The following PPM1B variants were observed in gnomAD, a reference collection of about 807,000 sequenced individuals.
PPM1B encodes the protein protein phosphatase, Mg2+/Mn2+ dependent 1B.
Under a neutral mutation model 43.0 loss-of-function variants are expected in PPM1B, and 22 were observed. That is an observed-to-expected ratio of 0.51 (90% CI 0.37 to 0.73). PPM1B has a LOEUF of 0.73. Ranked by LOEUF, PPM1B falls within the 30% of genes least tolerant of loss-of-function variation. PPM1B has a pLI of 0.00. For missense variants in PPM1B, 632 were observed against 584.2 expected (o/e 1.08, Z -0.84); for synonymous variants, 217 against 197.9 (o/e 1.10, Z -0.81).
At chr2:44,233,884 G>A (rs1248463930), downstream of PPM1B, 8 of 985,456 alleles carry the variant, frequency 8.1e-6, no homozygotes, top group Non-Finnish European at 9.6e-6. Flanking sequence ...TCCCTTTACT[G>A]GGTTTGGGGG....
intron 5 of PPM1B, among the ~76,000 whole-genome samples, chr2:44,220,687 A>C (rs4953072): frequency 0.57 from 86,516 of 152,088 alleles, 25,361 homozygotes; most frequent in Admixed American, 0.68. Flanking sequence ...TAAATGATCA[A>C]AATATTTCGT....
chr2:44,193,535 A>G (rs1356735074), intron 1 of PPM1B, among the ~76,000 whole-genome samples: 4 of 149,580 alleles, frequency 2.7e-5, no homozygotes, highest in African/African-American at 9.8e-5. Context: ...CTAGGACTAC[A>G]TGTGCTTGCT....
At chr2:44,197,991 C>T (rs572458504) in intron 1 of PPM1B, among the ~76,000 whole-genome samples, 2 of 152,108 alleles carry the variant, frequency 1.3e-5, no homozygotes, top group East Asian at 1.9e-4. Context: ...CTGAAGCATC[C>T]CTAACACCAC....
At chr2:44,207,888 CT>C (rs569077342) in intron 2 of PPM1B, among the ~76,000 whole-genome samples, 43,499 of 97,240 alleles carry the variant, frequency 0.45, 7,606 homozygotes, top group Admixed American at 0.53. Context: ...TGGCTTTATG[CT>C]TTTTTTTTTT....
intron 1 of PPM1B, among the ~76,000 whole-genome samples, chr2:44,200,877 C>G (rs892809060): frequency 1.3e-5 from 2 of 152,256 alleles, no homozygotes; most frequent in African/African-American, 2.4e-5. Context: ...TTTCCTTTCT[C>G]CTAGAACAGT....
intron 1 of PPM1B, among the ~76,000 whole-genome samples, chr2:44,187,404 A>T (rs531900740): frequency 1.3e-5 from 2 of 152,192 alleles, no homozygotes; most frequent in Non-Finnish European, 2.9e-5. Flanking sequence ...TCTCTTTGAG[A>T]TCCCACTGTC....
chr2:44,227,503 C>T (rs1269502076), intron 5 of PPM1B, among the ~76,000 whole-genome samples: 2 of 151,210 alleles, frequency 1.3e-5, no homozygotes, highest in Admixed American at 6.6e-5. Context: ...AAGCATGGGC[C>T]ATACACAGTA....
intron 1 of PPM1B, among the ~76,000 whole-genome samples, chr2:44,199,995 C>T (rs1018727446): frequency 1.3e-5 from 2 of 151,968 alleles, no homozygotes; most frequent in African/African-American, 2.4e-5. Flanking sequence ...TGATCTAGAC[C>T]AGTGTCTCTC....
rs1670391926 is a variant in PPM1B, at chr2:44,229,875, T to G, written c.1135-538T>G. On this transcript the variant is annotated intron_variant, in intron 5 of 5. Transcript: ENST00000282412. ...CTTAATTTATTTTTATCTAGAGATG[T>G]TTTTATCAAAATAAGAGCAAAAAGT... The G allele has an allele frequency of 1.7e-5, 16 of 937,084 alleles. 1 individual carries two copies. The South Asian group carries it at 2.9e-4, about 17-fold the overall frequency. The allele number at this position is 937,084 out of a possible 1,614,324, so 58.0% of individuals were successfully genotyped here. A position where few individuals can be genotyped will look rare whatever the true frequency, so the allele number is the denominator to read the frequency against.
intron 1 of PPM1B, among the ~76,000 whole-genome samples, chr2:44,176,624 T>G (rs935643646): frequency 7.9e-5 from 12 of 152,376 alleles, no homozygotes; most frequent in African/African-American, 2.9e-4. Context: ...ATTGCTTTCC[T>G]ACTGAACCAG....
chr2:44,197,379 A>G (rs764638977), intron 1 of PPM1B, among the ~76,000 whole-genome samples: 10 of 152,170 alleles, frequency 6.6e-5, no homozygotes, highest in Non-Finnish European at 1.5e-4. Flanking sequence ...TTGGCCTCCC[A>G]AAGTGTTGAG....
At chr2:44,190,484 T>A (rs1265092547) in intron 1 of PPM1B, among the ~76,000 whole-genome samples, 1 of 152,206 alleles carries the variant, frequency 6.6e-6, no homozygotes, top group Non-Finnish European at 1.5e-5. Flanking sequence ...TGAGAAAATA[T>A]TGAAACTTAC....
intron 2 of PPM1B, among the ~76,000 whole-genome samples, chr2:44,206,770 C>T (rs562394801): frequency 8.6e-5 from 13 of 151,978 alleles, no homozygotes; most frequent in Non-Finnish European, 1.3e-4. Flanking sequence ...CTGTGTTGCC[C>T]GGGCTAGTCT....
intron 1 of PPM1B, among the ~76,000 whole-genome samples, chr2:44,190,374 G>T (rs547478069): frequency 1.3e-5 from 2 of 152,024 alleles, no homozygotes; most frequent in Admixed American, 6.6e-5. Flanking sequence ...GGCCAGGCTG[G>T]TCTCAAACTC....
chr2:44,197,504 A>G (rs1668721448), intron 1 of PPM1B, among the ~76,000 whole-genome samples: 1 of 152,212 alleles, frequency 6.6e-6, no homozygotes, highest in Admixed American at 6.5e-5. Context: ...ACTAAACTCT[A>G]GTCTTTGGAT....
chr2:44,183,524 C>G (rs1048956904), intron 1 of PPM1B, among the ~76,000 whole-genome samples: 2 of 152,172 alleles, frequency 1.3e-5, no homozygotes, highest in Non-Finnish European at 2.9e-5. Flanking sequence ...GCCTGAATGA[C>G]CTAAAACCAG....
chr2:44,175,029 C>T (rs1276932841), intron 1 of PPM1B, among the ~76,000 whole-genome samples: 3 of 152,036 alleles, frequency 2.0e-5, no homozygotes, highest in Non-Finnish European at 4.4e-5. Flanking sequence ...CCGAGGTGGG[C>T]GGATTGTCTG....
chr2:44,236,966 T>C (rs945428719), downstream of PPM1B, among the ~76,000 whole-genome samples: 3 of 152,226 alleles, frequency 2.0e-5, no homozygotes, highest in African/African-American at 7.2e-5. Context: ...GTTTTTCACA[T>C]ATTAGACAAT....
At chr2:44,204,741 C>T (rs1194570305) in intron 2 of PPM1B, among the ~76,000 whole-genome samples, 6 of 151,354 alleles carry the variant, frequency 4.0e-5, no homozygotes, top group African/African-American at 1.5e-4. Context: ...CGCTTGTAGT[C>T]CCAGCTACTC....
Sources: gnomAD v4.1 joint callset for allele counts (sites outside exome capture counted in the v4.1 genomes callset) on GRCh38, gnomAD v4.1.1 for gene constraint, MANE v1.5 for transcripts, NCBI Gene and HGNC (gene_info 2026-07-23, HGNC 2026-07-21) for gene names.